The following RIMS1 variants were observed in gnomAD, a reference collection of about 807,000 sequenced individuals.
RIMS1 encodes the protein regulating synaptic membrane exocytosis 1, also known as regulating synaptic membrane exocytosis protein 1.
In RIMS1, 83 loss-of-function variants were observed where a neutral mutation model predicts 214.1. The ratio of observed to expected loss-of-function variants is 0.39; its 90% CI spans 0.32 to 0.47. The LOEUF (loss-of-function observed/expected upper bound fraction) is 0.47. Ranked by LOEUF, RIMS1 falls within the 20% of genes least tolerant of loss-of-function variation. The pLI, the probability that RIMS1 is intolerant of heterozygous loss-of-function variation, is 0.99. For missense variants in RIMS1, 2,050 were observed against 2,161.8 expected, an observed-to-expected ratio of 0.95 and a Z score of 1.03; for synonymous variants, 793 against 786.8, an observed-to-expected ratio of 1.01 and a Z score of -0.13.
intron 1 of RIMS1, among the ~76,000 whole-genome samples, chr6:71,947,269 C>A (rs1362470650): frequency 6.6e-6 from 1 of 151,974 alleles, no homozygotes; most frequent in African/African-American, 2.4e-5. Flanking sequence ...TTCATTGAAA[C>A]ATTATTCACA....
chr6:72,384,681 T>C (rs528517855), intron 29 of RIMS1, among the ~76,000 whole-genome samples: 1 of 152,336 alleles, frequency 6.6e-6, no homozygotes, highest in African/African-American at 2.4e-5. Context: ...CCCAAGTTCT[T>C]ATATTTACCA....
intron 2 of RIMS1, among the ~76,000 whole-genome samples, chr6:72,067,229 A>G (rs989067728): frequency 6.6e-6 from 1 of 152,190 alleles, no homozygotes; most frequent in African/African-American, 2.4e-5. Flanking sequence ...CATAAAATGT[A>G]TGCAATTTGT....
chr6:72,122,866 T>C (rs1476877438), intron 4 of RIMS1, among the ~76,000 whole-genome samples: 2 of 151,898 alleles, frequency 1.3e-5, no homozygotes, highest in Middle Eastern at 3.2e-3. Flanking sequence ...TTCTTCTCTC[T>C]TTTCTTCTTT....
chr6:72,052,592 G>T (rs1328586596), intron 2 of RIMS1, among the ~76,000 whole-genome samples: 3 of 152,070 alleles, frequency 2.0e-5, no homozygotes, highest in Non-Finnish European at 4.4e-5. Context: ...TTTGAAATTG[G>T]ACCAACCTAG....
chr6:72,361,126 T>TTTTC (rs2097803276), intron 29 of RIMS1, among the ~76,000 whole-genome samples: 1 of 127,498 alleles, frequency 7.8e-6, no homozygotes, highest in Non-Finnish European at 1.7e-5. Context: ...TTTTTTTTTT[T>TTTTC]GAGACAGATT....
chr6:72,053,181 C>T (rs1274137732), intron 2 of RIMS1, among the ~76,000 whole-genome samples: 2 of 152,164 alleles, frequency 1.3e-5, no homozygotes, highest in African/African-American at 4.8e-5. Context: ...TCCCTATGTT[C>T]CTCACCATGA....
intron 4 of RIMS1, among the ~76,000 whole-genome samples, chr6:72,152,130 C>T (rs1205623554): frequency 6.6e-6 from 1 of 152,166 alleles, no homozygotes; most frequent in Admixed American, 6.5e-5. Flanking sequence ...TACATTTCAC[C>T]ATGAGATTTG....
At chr6:71,942,283 G>A (rs1015620721) in intron 1 of RIMS1, among the ~76,000 whole-genome samples, 3 of 152,088 alleles carry the variant, frequency 2.0e-5, no homozygotes, top group Non-Finnish European at 4.4e-5. Context: ...ATTAATATAA[G>A]AATTAAAAAT....
At chr6:72,323,011 G>A (rs146276961) in intron 28 of RIMS1, among the ~76,000 whole-genome samples, 31 of 152,200 alleles carry the variant, frequency 2.0e-4, no homozygotes, top group African/African-American at 7.2e-4. Flanking sequence ...GTGCTGGGGA[G>A]ATGGATTGGA....
intron 6 of RIMS1, among the ~76,000 whole-genome samples, chr6:72,218,854 A>G (rs374194582): frequency 1.3e-5 from 2 of 152,236 alleles, no homozygotes; most frequent in African/African-American, 4.8e-5. Flanking sequence ...TGAGGGCAAT[A>G]ACTTTATTAG....
Position 72,123,394 on chromosome 6 carries a change from A to G in RIMS1, c.471+23408A>G, listed in dbSNP as rs4357094. ...GCTGAGGACTGCTTTACTTCCCACC[A>G]TGTGGTCAGTTTTGGAATAAGTGTG... On this transcript the variant is annotated intron_variant, in intron 4 of 33. Coordinates refer to ENST00000521978, the MANE Select transcript of RIMS1 (RefSeq NM_014989.7). 9.5e-3 allele frequency among the ~76,000 whole-genome samples: 1,439 copies of G among 151,874 alleles called. 33 individuals carry two copies. Among genetic ancestry groups the G allele is most frequent in the African/African-American group, 0.032 (1,319 of 41,498 alleles).
At position 72,279,598 on chromosome 6, in the gene RIMS1, A is replaced by G. The variant is rs2088933424; in HGVS notation, c.3483-4449A>G. ...TAAAAAATTTATGCCAGAACAAAAA[A>G]GCATGTTTAAACTAAAAATAAGACA... is the stretch of plus-strand genomic sequence containing the variant. On this transcript the variant is annotated intron_variant, in intron 23 of 33. Transcript: ENST00000521978. Among the ~76,000 whole-genome samples the G allele has an allele frequency of 2.6e-5, 4 of 152,096 alleles. No homozygotes were observed. In the South Asian group the frequency reaches 8.3e-4, roughly 31 times the overall value.
At chr6:72,271,779 A>T (rs2083529210) in intron 22 of RIMS1, among the ~76,000 whole-genome samples, 1 of 152,144 alleles carries the variant, frequency 6.6e-6, no homozygotes, top group Non-Finnish European at 1.5e-5. Context: ...CCCAAAGCCA[A>T]TAGCCTTATG....
intron 2 of RIMS1, among the ~76,000 whole-genome samples, chr6:72,087,149 A>G (rs528669582): frequency 6.6e-6 from 1 of 151,936 alleles, no homozygotes; most frequent in Non-Finnish European, 1.5e-5. Context: ...AAGCTTGCAG[A>G]AAAAAGATAT....
At chr6:72,330,992 A>G (rs1017587454) in intron 28 of RIMS1, among the ~76,000 whole-genome samples, 1 of 151,766 alleles carries the variant, frequency 6.6e-6, no homozygotes, top group Non-Finnish European at 1.5e-5. Flanking sequence ...CATTTTTCAT[A>G]TAACTTAACC....
Position 72,183,139 on chromosome 6 carries a change from C to A in RIMS1, c.1668C>A (p.Val556=). Residue 556 remains valine, a synonymous_variant, in exon 6 of 34, where the codon GTC becomes GTA. Transcript: ENST00000521978. The stretch of plus-strand genomic sequence containing the variant: ...ACGTGGAGCTGGAGAGCGAGAGCGT[C>A]AGCGAGAAAGGTAAGGGGGCGGCGC... ...CEDVELESES[V]SEKGDLDYYW... is the part of the protein sequence containing the mutation. The A allele has an allele frequency of 6.3e-7, 1 of 1,591,388 alleles. No individual in the cohort carries two copies. The highest frequency in any genetic ancestry group is 1.1e-5 in the South Asian group (1 of 87,372).
intron 1 of RIMS1, among the ~76,000 whole-genome samples, chr6:71,919,431 A>G (rs1302415042): frequency 6.6e-6 from 1 of 152,092 alleles, no homozygotes. Flanking sequence ...TATGGGTGGG[A>G]AGATTATCAG....
chr6:72,344,932 A>T (rs2097209231), intron 29 of RIMS1, among the ~76,000 whole-genome samples: 1 of 151,772 alleles, frequency 6.6e-6, no homozygotes, highest in African/African-American at 2.4e-5. Context: ...TAATTTTTAT[A>T]ATTAATTTGT....
chr6:72,242,256 A>T, intron 9 of RIMS1, 58 bp from the exon 10 acceptor site: 1 of 1,294,086 alleles, frequency 7.7e-7, no homozygotes, highest in Non-Finnish European at 1.1e-6. Context: ...AAGAGAAAAG[A>T]TACGAAAAAT....
Sources: allele counts gnomAD v4.1 joint callset (sites outside exome capture counted in the v4.1 genomes callset), GRCh38; gene constraint gnomAD v4.1.1; transcripts MANE v1.5; gene names NCBI Gene and HGNC (gene_info 2026-07-23, HGNC 2026-07-21).